The following ATP8B4 variants were observed in gnomAD, a reference collection of about 807,000 sequenced individuals.
The protein encoded by ATP8B4 is ATPase phospholipid transporting 8B4 (putative).
A neutral mutation model predicts 145.6 loss-of-function variants in ATP8B4; 133 were observed. The observed-to-expected ratio is 0.91, with a 90% CI of 0.79 to 1.05. ATP8B4 has a LOEUF of 1.05. Ranked by LOEUF, ATP8B4 falls within the 50% of genes least tolerant of loss-of-function variation. ATP8B4 has a pLI of 0.00. For synonymous variants in ATP8B4, 507 were observed against 492.9 expected (o/e 1.03, Z -0.38); for missense variants, 1,458 against 1,425.2 (o/e 1.02, Z -0.37).
intron 14 of ATP8B4, among the ~76,000 whole-genome samples, chr15:49,960,354 C>G (rs187865385): frequency 1.1e-4 from 17 of 152,214 alleles, no homozygotes; most frequent in Admixed American, 1.1e-3. Context: ...CAGTATGATG[C>G]TAACATATGC....
intron 14 of ATP8B4, among the ~76,000 whole-genome samples, chr15:49,950,544 C>A (rs1413946035): frequency 1.4e-5 from 2 of 145,378 alleles, no homozygotes; most frequent in African/African-American, 5.1e-5. Context: ...TTTGATTCTT[C>A]TCTCTCTTCT....
chr15:49,881,542 G>A (rs1272443594), intron 23 of ATP8B4, among the ~76,000 whole-genome samples: 2 of 152,070 alleles, frequency 1.3e-5, no homozygotes, highest in Admixed American at 1.3e-4. Flanking sequence ...GCCACGTGAA[G>A]GATAATGCAC....
intron 8 of ATP8B4, among the ~76,000 whole-genome samples, chr15:50,001,173 T>C (rs1209528436): frequency 6.6e-6 from 1 of 152,152 alleles, no homozygotes; most frequent in Admixed American, 6.6e-5. Context: ...TCTATTTATT[T>C]CTGCTCTTAT....
intron 10 of ATP8B4, among the ~76,000 whole-genome samples, chr15:49,986,513 C>G (rs750989111): frequency 5.9e-5 from 9 of 152,144 alleles, no homozygotes; most frequent in Non-Finnish European, 1.2e-4. Context: ...ACTGCTAACA[C>G]CAACAGCTGA....
intron 23 of ATP8B4, among the ~76,000 whole-genome samples, chr15:49,887,271 GA>G (rs2036301186): frequency 6.6e-6 from 1 of 151,896 alleles, no homozygotes; most frequent in South Asian, 2.1e-4. Context: ...GACTAGCTGA[GA>G]GGGGCACATG....
chr15:50,046,203 T>C (rs1191067004), intron 4 of ATP8B4, among the ~76,000 whole-genome samples: 1 of 152,164 alleles, frequency 6.6e-6, no homozygotes, highest in Non-Finnish European at 1.5e-5. Flanking sequence ...CAATCAGAAC[T>C]AATCTCAAGA....
At chr15:50,135,094 T>C (rs2153679270) in intron 1 of ATP8B4, among the ~76,000 whole-genome samples, 1 of 152,344 alleles carries the variant, frequency 6.6e-6, no homozygotes, top group East Asian at 1.9e-4. Context: ...AGCCTCAAAA[T>C]CTAATCTTAG....
intron 1 of ATP8B4, among the ~76,000 whole-genome samples, chr15:50,135,282 A>C (rs1427133107): frequency 6.6e-6 from 1 of 152,138 alleles, no homozygotes; most frequent in African/African-American, 2.4e-5. Flanking sequence ...GTTGATAAGG[A>C]GGTACTCTAC....
intron 14 of ATP8B4, among the ~76,000 whole-genome samples, chr15:49,939,201 A>C (rs1341515709): frequency 6.6e-6 from 1 of 152,058 alleles, no homozygotes; most frequent in Non-Finnish European, 1.5e-5. Flanking sequence ...AAAGAACAAG[A>C]AAAAATTAAC....
At chr15:49,938,910 C>T (rs2041945633) in intron 14 of ATP8B4, among the ~76,000 whole-genome samples, 1 of 152,038 alleles carries the variant, frequency 6.6e-6, no homozygotes, top group African/African-American at 2.4e-5. Flanking sequence ...GAATCATATT[C>T]TCAGACCAAA....
intron 1 of ATP8B4, among the ~76,000 whole-genome samples, chr15:50,164,483 G>A (rs2044566797): frequency 6.6e-6 from 1 of 152,174 alleles, no homozygotes; most frequent in South Asian, 2.1e-4. Flanking sequence ...TTATTTCACT[G>A]TGGCTGAGCT....
At chr15:49,955,341 A>C (rs552195470) in intron 14 of ATP8B4, among the ~76,000 whole-genome samples, 1 of 152,360 alleles carries the variant, frequency 6.6e-6, no homozygotes, top group Non-Finnish European at 1.5e-5. Flanking sequence ...GGAGAAAGAA[A>C]ACAAACAAAC....
chr15:49,907,483 A>G (rs2153439634), intron 20 of ATP8B4, among the ~76,000 whole-genome samples: 1 of 152,264 alleles, frequency 6.6e-6, no homozygotes, highest in East Asian at 1.9e-4. Context: ...TATTGGGGAA[A>G]TAGTTACAAA....
In ATP8B4 at chr15:50,175,362, G is replaced by A. The variant is rs187887886; in HGVS notation, c.-43+6899C>T. Among the ~76,000 whole-genome samples, 254 of 152,310 alleles carry A rather than the reference G, an allele frequency of 1.7e-3. 1 individual carries two copies. Among genetic ancestry groups the A allele is most frequent in the African/African-American group, 5.8e-3 (240 of 41,570 alleles). On this transcript the variant is annotated intron_variant, in intron 1 of 3. Transcript: ENST00000558829. ...CAGCAGAGTAAATAGACAATCCATA[G>A]AGTGGGAGAAAATCTTTACAACCTA...
chr15:50,125,508 G>C (rs568438303), intron 1 of ATP8B4, among the ~76,000 whole-genome samples: 11 of 152,296 alleles, frequency 7.2e-5, no homozygotes, highest in African/African-American at 2.6e-4. Context: ...CCCCAATTCT[G>C]TATCAACCCC....
chr15:50,115,014 C>T (rs1361366882), intron 1 of ATP8B4, among the ~76,000 whole-genome samples: 4 of 152,188 alleles, frequency 2.6e-5, no homozygotes, highest in Non-Finnish European at 5.9e-5. Context: ...TGAGAGCAGA[C>T]AGAAACATAA....
intron 1 of ATP8B4, among the ~76,000 whole-genome samples, chr15:50,157,756 C>CCCACGGTCTCCCTCTCCCTCTCTCT (rs2044442375): frequency 6.7e-6 from 1 of 148,386 alleles, no homozygotes; most frequent in African/African-American, 2.5e-5. Context: ...TCTCCCTCTC[C>CCCACGGTCTCCCTCTCCCTCTCTCT]CCACGGTCTC....
At chr15:50,152,503 A>T (rs1374367641) in intron 1 of ATP8B4, among the ~76,000 whole-genome samples, 2 of 152,172 alleles carry the variant, frequency 1.3e-5, no homozygotes, top group Non-Finnish European at 2.9e-5. Context: ...TTTGACAATT[A>T]AGCCTAATTA....
chr15:50,033,668 G>T (rs959691363), intron 6 of ATP8B4, among the ~76,000 whole-genome samples: 3 of 152,156 alleles, frequency 2.0e-5, no homozygotes, highest in African/African-American at 7.2e-5. Flanking sequence ...CTCAGGTAGT[G>T]GGCATAGTAC....
Sources: gnomAD v4.1 joint callset for allele counts (sites outside exome capture counted in the v4.1 genomes callset) on GRCh38, gnomAD v4.1.1 for gene constraint, MANE v1.5 for transcripts, NCBI Gene and HGNC (gene_info 2026-07-23, HGNC 2026-07-21) for gene names.